HSPA12A: variants seen among roughly 807,000 people sequenced by gnomAD.
The protein encoded by HSPA12A is heat shock protein family A (Hsp70) member 12A.
HSPA12A carries 28 observed loss-of-function variants against 69.2 expected under a neutral mutation model. That is an observed-to-expected ratio of 0.40 (90% CI 0.30 to 0.55). HSPA12A has a LOEUF of 0.55. HSPA12A is among the 20% of genes least tolerant of loss of function. The pLI is 0.38. For missense variants in HSPA12A, 686 were observed against 900.7 expected (o/e 0.76, Z 3.05); for synonymous variants, 345 against 370.5 (o/e 0.93, Z 0.79).
At chr10:116,800,186 G>A (rs1364021924) in intron 2 of HSPA12A, among the ~76,000 whole-genome samples, 1 of 152,282 alleles carries the variant, frequency 6.6e-6, no homozygotes, top group South Asian at 2.1e-4. Flanking sequence ...GATGGCTCTA[G>A]CTTCGGTACC....
chr10:116,848,208 G>A (rs913176557), intron 1 of HSPA12A, among the ~76,000 whole-genome samples: 3 of 152,228 alleles, frequency 2.0e-5, no homozygotes, highest in Admixed American at 6.5e-5. Context: ...AGATTCTACC[G>A]TCAGGGGATT....
intron 6 of HSPA12A, among the ~76,000 whole-genome samples, chr10:116,691,834 C>G (rs1554880173): frequency 6.6e-6 from 1 of 152,244 alleles, no homozygotes; most frequent in African/African-American, 2.4e-5. Context: ...CCTCCAACAC[C>G]CCCCCGCTGA....
intron 2 of HSPA12A, among the ~76,000 whole-genome samples, chr10:116,789,775 GC>G (rs1196566369): frequency 6.6e-6 from 1 of 152,290 alleles, no homozygotes; most frequent in Admixed American, 6.5e-5. Context: ...TTTCTGAAGG[GC>G]CTAATGTCTG....
At chr10:116,799,408 C>T (rs150655347) in intron 2 of HSPA12A, among the ~76,000 whole-genome samples, 2,076 of 152,340 alleles carry the variant, frequency 0.014, 25 homozygotes, top group Non-Finnish European at 0.024. Flanking sequence ...AGGCAGGAGA[C>T]GTGGGTTCAC....
At chr10:116,712,636 C>A (rs1424190961) in intron 1 of HSPA12A, among the ~76,000 whole-genome samples, 1 of 152,068 alleles carries the variant, frequency 6.6e-6, no homozygotes, top group Non-Finnish European at 1.5e-5. Context: ...GATAAGAGAA[C>A]CTCAAAGAGA....
chr10:116,718,460 G>A (rs1477344066), intron 1 of HSPA12A, among the ~76,000 whole-genome samples: 1 of 152,176 alleles, frequency 6.6e-6, no homozygotes, highest in Non-Finnish European at 1.5e-5. Flanking sequence ...GGTAACTCGG[G>A]CACAAACCTT....
At chr10:116,804,657 T>C (rs1845031464) in intron 2 of HSPA12A, among the ~76,000 whole-genome samples, 1 of 152,204 alleles carries the variant, frequency 6.6e-6, no homozygotes, top group Non-Finnish European at 1.5e-5. Context: ...GTAGGTGTTC[T>C]GTGTTTTTAC....
At chr10:116,732,710 C>T (rs573372459) in intron 1 of HSPA12A, among the ~76,000 whole-genome samples, 1 of 152,296 alleles carries the variant, frequency 6.6e-6, no homozygotes, top group East Asian at 1.9e-4. Flanking sequence ...TCTTCAAATA[C>T]TTTTTTAAAA....
At chr10:116,784,549 G>GGAATGAAT (rs367679769) in intron 2 of HSPA12A, among the ~76,000 whole-genome samples, 1 of 152,170 alleles carries the variant, frequency 6.6e-6, no homozygotes, top group African/African-American at 2.4e-5. Context: ...GTTTGTTGAG[G>GGAATGAAT]GAATGAATGA....
intron 1 of HSPA12A, among the ~76,000 whole-genome samples, chr10:116,836,768 A>AACATACACACACAC (rs778091882): frequency 2.0e-4 from 29 of 146,606 alleles, no homozygotes; most frequent in African/African-American, 7.0e-4. Context: ...AAACGAACCG[A>AACATACACACACAC]ACACACACAC....
rs529105578 is a variant in HSPA12A, at chr10:116,698,648, T to C, written c.533A>G (p.Glu178Gly). ...IFAYALQYFK[E>G]QALKELSDQA... ...TATCAGTCCTACCTTCAGCGCCTGC[T>C]CCTTAAAGTACTGCAGGGCATAAGC... The change falls in exon 5 of 12, where the codon GAG becomes GGG. Residue 178 changes from glutamate (E) to glycine (G), a missense_variant. By Grantham distance (98) the Glu-to-Gly change is moderately conservative. Transcript: ENST00000369209. 1 of 1,612,752 alleles carries C rather than the reference T, an allele frequency of 6.2e-7. No individual in the cohort carries two copies. The highest frequency in any genetic ancestry group is 8.5e-7 in the Non-Finnish European group (1 of 1,178,894).
chr10:116,746,884 A>G (rs1554887865), upstream of HSPA12A, among the ~76,000 whole-genome samples: 2 of 152,230 alleles, frequency 1.3e-5, no homozygotes, highest in African/African-American at 4.8e-5. Flanking sequence ...ACTTTGACAT[A>G]GGACACTGCC....
At chr10:116,739,606 C>A (rs1554886775) in intron 1 of HSPA12A, among the ~76,000 whole-genome samples, 1 of 152,102 alleles carries the variant, frequency 6.6e-6, no homozygotes, top group African/African-American at 2.4e-5. Flanking sequence ...CTGTCCACCC[C>A]CAATTCATCT....
upstream of HSPA12A, among the ~76,000 whole-genome samples, chr10:116,744,704 A>C (rs1851610026): frequency 3.3e-5 from 5 of 152,232 alleles, 1 homozygote; most frequent in Non-Finnish European, 7.3e-5. Flanking sequence ...CACACCATCC[A>C]GCCCGCCAGC....
At chr10:116,762,032 T>C (rs1303710263) in intron 2 of HSPA12A, among the ~76,000 whole-genome samples, 1 of 152,180 alleles carries the variant, frequency 6.6e-6, no homozygotes, top group African/African-American at 2.4e-5. Flanking sequence ...GACAGCCCAG[T>C]TTTTTGCAGC....
At position 116,709,709 on chromosome 10, in the gene HSPA12A, A is replaced by G. The variant is rs539640201; in HGVS notation, c.41-2424T>C. On this transcript the variant is annotated intron_variant, in intron 1 of 11. Coordinates refer to ENST00000369209, the MANE Select transcript of HSPA12A (RefSeq NM_025015.3). Reference sequence around the variant, plus strand: ...AGGGGTAAGAGGAAGGGAGAAATGGAGAGTTCTTGCTTAATGAGTACAGAA... The same window carrying G: ...AGGGGTAAGAGGAAGGGAGAAATGGGGAGTTCTTGCTTAATGAGTACAGAA... Among the ~76,000 whole-genome samples, 10 of 152,292 alleles carry G rather than the reference A, an allele frequency of 6.6e-5. No homozygotes were observed. The East Asian group carries it at 1.9e-3, about 29-fold the overall frequency.
At chr10:116,769,125 C>G (rs1554890114) in intron 2 of HSPA12A, among the ~76,000 whole-genome samples, 1 of 152,172 alleles carries the variant, frequency 6.6e-6, no homozygotes, top group African/African-American at 2.4e-5. Context: ...AGTCCCCTGG[C>G]CCAGCCACCA....
At chr10:116,695,722 A>T (rs2132949703) in intron 5 of HSPA12A, among the ~76,000 whole-genome samples, 1 of 152,206 alleles carries the variant, frequency 6.6e-6, no homozygotes, top group South Asian at 2.1e-4. Flanking sequence ...AGGCTGAGGC[A>T]GGAGAATGGC....
intron 2 of HSPA12A, among the ~76,000 whole-genome samples, chr10:116,815,787 G>A (rs571327130): frequency 2.6e-5 from 4 of 152,210 alleles, no homozygotes; most frequent in East Asian, 1.9e-4. Context: ...CCTGCTGCTC[G>A]GCATGTGCTG....
Sources: gnomAD v4.1 joint callset for allele counts (sites outside exome capture counted in the v4.1 genomes callset) on GRCh38, gnomAD v4.1.1 for gene constraint, MANE v1.5 for transcripts, NCBI Gene and HGNC (gene_info 2026-07-23, HGNC 2026-07-21) for gene names.